Variants in CENPE observed in about 807,000 individuals in gnomAD.
The protein encoded by CENPE is centromere-associated protein E.
A neutral mutation model predicts 336.1 loss-of-function variants in CENPE; 145 were observed. That is an observed-to-expected ratio of 0.43 (90% CI 0.38 to 0.50). The LOEUF is 0.50. Ranked by LOEUF, CENPE falls within the 20% of genes least tolerant of loss-of-function variation. The pLI, the probability that CENPE is intolerant of heterozygous loss-of-function variation, is 0.00. For missense variants in CENPE, 2,719 were observed against 3,023.3 expected (o/e 0.90, Z 2.36); for synonymous variants, 1,013 against 984.8 (o/e 1.03, Z -0.54).
At chr4:103,157,323 A>G (rs1204582093) in intron 24 of CENPE, among the ~76,000 whole-genome samples, 1 of 152,114 alleles carries the variant, frequency 6.6e-6, no homozygotes, top group Non-Finnish European at 1.5e-5. Flanking sequence ...ACAACAGCCA[A>G]TAATGGGTAG....
At chr4:103,147,674 T>C (rs1374621323) in intron 28 of CENPE, 28 bp from the exon 29 acceptor site, 2 of 1,573,558 alleles carry the variant, frequency 1.3e-6, no homozygotes, top group East Asian at 2.2e-5. Flanking sequence ...ATACCAAGGT[T>C]ACTATCAGGA....
In CENPE at chr4:103,139,793, G is replaced by T. The variant is rs373021445; in HGVS notation, c.6200C>A (p.Ala2067Asp). 3.7e-6 allele frequency: 6 copies of T among 1,603,446 alleles called. No homozygotes were observed. Among genetic ancestry groups the T allele is most frequent in the Non-Finnish European group, 3.4e-6 (4 of 1,176,018 alleles). ...QFIATLREMI[A>D]RDRQNHQVKP... ...AAAGGAAGACTCTGAACTCACTCTA[G>T]CTATCATTTCCCTTAAGGTTGCTAT... The change falls in exon 38 of 49, where the codon GCT (alanine) becomes GAT (aspartate). Residue 2067 changes from alanine (A) to aspartate (D), a missense_variant. Physicochemically the swap from Ala to Asp is moderately radical, Grantham distance 126. Around this residue, in one of 5 missense-constraint regions of CENPE, gnomAD observed 2,437 missense variants for 2,513.3 expected, o/e 0.97. Coordinates refer to ENST00000265148, the MANE Select transcript of CENPE (RefSeq NM_001813.3).
At chr4:103,180,830 A>G (rs1756267891) in intron 12 of CENPE, among the ~76,000 whole-genome samples, 1 of 152,172 alleles carries the variant, frequency 6.6e-6, no homozygotes, top group Non-Finnish European at 1.5e-5. Context: ...TAAGATTACC[A>G]TTTGATATTT....
rs2126066377 is a variant in CENPE at position 103,198,118 on chromosome 4, G to C, written c.56+146C>G. 8.6e-6 allele frequency: 6 copies of C among 700,164 alleles called. No homozygotes were observed. The South Asian group carries it at 1.1e-4, about 13-fold the overall frequency. The allele number at this position is 700,164 out of a possible 1,614,324, so 43.4% of individuals were successfully genotyped here. On this transcript the variant is annotated intron_variant, in intron 1 of 48. Coordinates refer to ENST00000265148, the MANE Select transcript of CENPE (RefSeq NM_001813.3). ...TCCGATCCTCCCCTGTCACTTTACA[G>C]ACCCTGAAACGATGGCCAGCAGCCG...
chr4:103,176,275 C>T (rs1042619254), intron 14 of CENPE, among the ~76,000 whole-genome samples: 2 of 151,956 alleles, frequency 1.3e-5, no homozygotes, highest in African/African-American at 4.8e-5. Context: ...ATACAGGATC[C>T]TTAATGAAAT....
chr4:103,149,481 C>T, intron 26 of CENPE, 73 bp from the exon 27 acceptor site: 2 of 1,303,808 alleles, frequency 1.5e-6, no homozygotes, highest in South Asian at 1.5e-5. Context: ...TCATTAACAG[C>T]CTTGCCTCCT....
chr4:103,164,894 A>G (rs1754773381), intron 16 of CENPE, among the ~76,000 whole-genome samples: 1 of 152,150 alleles, frequency 6.6e-6, no homozygotes, highest in South Asian at 2.1e-4. Flanking sequence ...AATCACATTT[A>G]CCAATAAGAA....
intron 46 of CENPE, among the ~76,000 whole-genome samples, chr4:103,113,449 CATATTACTTAT>C (rs1250522032): frequency 2.9e-5 from 4 of 138,136 alleles, no homozygotes; most frequent in Non-Finnish European, 4.6e-5. Flanking sequence ...ATATTACTTA[CATATTACTTAT>C]ATATAATATA....
intron 8 of CENPE, among the ~76,000 whole-genome samples, chr4:103,193,862 T>C (rs770408001): frequency 2.0e-5 from 3 of 152,026 alleles, no homozygotes; most frequent in Non-Finnish European, 2.9e-5. Context: ...AAGTCTAAAT[T>C]ACATTGGCTG....
intron 42 of CENPE, among the ~76,000 whole-genome samples, chr4:103,128,049 C>CA (rs1751279710): frequency 1.3e-5 from 2 of 151,894 alleles, no homozygotes; most frequent in African/African-American, 4.8e-5. Context: ...AATATAAGGA[C>CA]ACATAGATTA....
rs567162399 is a variant in CENPE, at chr4:103,191,297, G to C, written c.693+2932C>G. Among the ~76,000 whole-genome samples the C allele has an allele frequency of 5.9e-5, 9 of 152,252 alleles. No individual in the cohort carries two copies. In the South Asian group the frequency reaches 1.9e-3, roughly 32 times the overall value. ...TTTGACCCAGCCATCCCATTACTGGGTATATACCCAAAGGATTATAAAATC... is the reference window on the plus strand; with the variant it reads ...TTTGACCCAGCCATCCCATTACTGGCTATATACCCAAAGGATTATAAAATC... On this transcript the variant is annotated intron_variant, in intron 8 of 48. Coordinates refer to ENST00000265148, the MANE Select transcript of CENPE (RefSeq NM_001813.3).
rs748556175 is a variant in CENPE, at chr4:103,122,945, C to T, written c.7069G>A (p.Ala2357Thr). The T allele has an allele frequency of 2.5e-5, 40 of 1,613,838 alleles. No homozygotes were observed. Among genetic ancestry groups the T allele is most frequent in the Non-Finnish European group, 3.0e-5 (35 of 1,179,878 alleles). Residue 2357 changes from alanine (A) to threonine (T), a missense_variant, in exon 43 of 49, where the codon GCC becomes ACC. This residue lies in a region of CENPE where 2,437 missense variants were observed against 2,513.3 expected (regional missense o/e 0.97). Coordinates refer to ENST00000265148, the MANE Select transcript of CENPE (RefSeq NM_001813.3). ...QTLKTSLASG[A>T]QVNPTTQDNK... ...TCTTGTGTGGTAGGATTAACCTGGGCACCAGATGCCAAGGAAGTCTTCAAT... is the reference window on the plus strand; with the variant it reads ...TCTTGTGTGGTAGGATTAACCTGGGTACCAGATGCCAAGGAAGTCTTCAAT...
chr4:103,173,290 CTGAA>C (rs1047351489), intron 16 of CENPE, among the ~76,000 whole-genome samples: 1 of 151,952 alleles, frequency 6.6e-6, no homozygotes, highest in Non-Finnish European at 1.5e-5. Context: ...GCTGGGAAAA[CTGAA>C]TGAATATCTA....
chr4:103,127,097 T>TAAAAAAAA (rs768685995), intron 42 of CENPE, among the ~76,000 whole-genome samples: 2 of 75,314 alleles, frequency 2.7e-5, no homozygotes, highest in East Asian at 3.7e-4. Flanking sequence ...GGGACAAATA[T>TAAAAAAAA]AAAAAAAAAA....
chr4:103,117,385 G>A (rs941190781), intron 44 of CENPE, among the ~76,000 whole-genome samples: 1 of 152,008 alleles, frequency 6.6e-6, no homozygotes, highest in Non-Finnish European at 1.5e-5. Flanking sequence ...ATGTAAAATG[G>A]CACATGTCCA....
chr4:103,188,103 A>T (rs1426774140), intron 8 of CENPE, among the ~76,000 whole-genome samples: 3 of 152,136 alleles, frequency 2.0e-5, no homozygotes, highest in African/African-American at 7.2e-5. Flanking sequence ...AACTATCCTA[A>T]ATATATATGC....
chr4:103,138,475 A>C, intron 38 of CENPE, 26 bp from the exon 39 acceptor site: 1 of 1,503,122 alleles, frequency 6.7e-7, no homozygotes, highest in South Asian at 1.1e-5. Context: ...GAAAATAAAC[A>C]GGGCTTTTGT....
intron 12 of CENPE, 29 bp downstream of exon 12, chr4:103,181,308 A>G: frequency 6.9e-7 from 1 of 1,439,226 alleles, no homozygotes; most frequent in Non-Finnish European, 9.3e-7. Context: ...GGTTCTTTCA[A>G]TTTAATGAAA....
intron 12 of CENPE, among the ~76,000 whole-genome samples, chr4:103,180,730 T>C (rs1391153355): frequency 6.6e-6 from 1 of 152,166 alleles, no homozygotes; most frequent in Non-Finnish European, 1.5e-5. Context: ...GCTGTTAATA[T>C]AACTCTATTA....
Sources: allele counts gnomAD v4.1 joint callset (sites outside exome capture counted in the v4.1 genomes callset), GRCh38; gene constraint gnomAD v4.1.1; regional missense constraint gnomAD v4.1.1; transcripts MANE v1.5; gene names NCBI Gene and HGNC (gene_info 2026-07-23, HGNC 2026-07-21).